NDST1: variants seen among roughly 807,000 people sequenced by gnomAD.
The protein encoded by NDST1 is N-deacetylase and N-sulfotransferase 1, also known as bifunctional heparan sulfate N-deacetylase/N-sulfotransferase 1.
In NDST1, 35 loss-of-function variants were observed where a neutral mutation model predicts 92.8. The observed-to-expected ratio is 0.38, with a 90% CI of 0.29 to 0.50. The LOEUF is 0.50. NDST1 is among the 20% of genes least tolerant of loss of function. The pLI, the probability that NDST1 is intolerant of heterozygous loss-of-function variation, is 0.94. For synonymous variants in NDST1, 493 were observed against 500.3 expected, an observed-to-expected ratio of 0.99 and a Z score of 0.19; for missense variants, 822 against 1,182.7, an observed-to-expected ratio of 0.69 and a Z score of 4.47.
intron 11 of NDST1, among the ~76,000 whole-genome samples, chr5:150,546,764 A>C (rs548948769): frequency 6.6e-6 from 1 of 152,304 alleles, no homozygotes; most frequent in Non-Finnish European, 1.5e-5. Flanking sequence ...CTCCCATGGA[A>C]GTCTCTCCTC....
At chr5:150,531,456 G>A (rs888280506) in intron 3 of NDST1, among the ~76,000 whole-genome samples, 2 of 151,432 alleles carry the variant, frequency 1.3e-5, no homozygotes, top group South Asian at 4.2e-4. Context: ...TTTGTAAAGT[G>A]TTCTGATAGC....
chr5:150,507,280 T>C (rs1477703073), upstream of NDST1, among the ~76,000 whole-genome samples: 2 of 151,532 alleles, frequency 1.3e-5, no homozygotes, highest in African/African-American at 4.8e-5. Context: ...TTTTTTTTTT[T>C]AACTGCAGCT....
upstream of NDST1, among the ~76,000 whole-genome samples, chr5:150,505,099 C>A (rs556315888): frequency 6.7e-4 from 102 of 152,330 alleles, 1 homozygote; most frequent in African/African-American, 2.1e-3. Context: ...TGCTTTGCAT[C>A]TGTGTAATGA....
chr5:150,521,872 G>A lies in NDST1; in HGVS notation c.513+105G>A. On this transcript the variant is annotated intron_variant, in intron 2 of 14. Coordinates refer to ENST00000261797, the MANE Select transcript of NDST1 (RefSeq NM_001543.5). This position sits in a 1 kb window ranked among gnomAD's most constrained non-coding sequence, Gnocchi z 5.9. ...TGTAATGGTAGCACCCGCCTCCTGG[G>A]GTTGTTGGGAGGGTTAAATGAGTGA... 1 of 1,485,204 alleles carries A rather than the reference G, an allele frequency of 6.7e-7. No homozygotes were observed. Among genetic ancestry groups the A allele is most frequent in the Non-Finnish European group, 9.2e-7 (1 of 1,081,268 alleles). 92.0% of individuals were successfully genotyped at this position (1,485,204 alleles called of 1,614,324 possible).
intron 1 of NDST1, among the ~76,000 whole-genome samples, chr5:150,509,144 G>A (rs1753600139): frequency 6.6e-6 from 1 of 152,166 alleles, no homozygotes; most frequent in African/African-American, 2.4e-5. Context: ...TTTGGCTTCT[G>A]CATCCTTGAG....
At chr5:150,532,778 C>T (rs1355472854) in intron 3 of NDST1, among the ~76,000 whole-genome samples, 167 bp from the exon 4 acceptor site, 1 of 152,214 alleles carries the variant, frequency 6.6e-6, no homozygotes, top group Admixed American at 6.5e-5. Flanking sequence ...CCACCCACCT[C>T]AGCTTCCCAA....
intron 10 of NDST1, among the ~76,000 whole-genome samples, chr5:150,544,568 C>A (rs1755396377): frequency 6.6e-6 from 1 of 152,214 alleles, no homozygotes; most frequent in South Asian, 2.1e-4. Context: ...AGCCCCACCT[C>A]ACAGGATAGG....
In NDST1 at chr5:150,535,850, C is replaced by G; in HGVS notation, c.1402C>G (p.Arg468Gly). 1 of 1,613,956 alleles carries G rather than the reference C, an allele frequency of 6.2e-7. No individual in the cohort carries two copies. The highest frequency in any genetic ancestry group is 8.5e-7 in the Non-Finnish European group (1 of 1,179,976). Residue 468 changes from arginine to glycine, a missense_variant, in exon 6 of 15, where the codon CGC (arginine) becomes GGC (glycine). By Grantham distance (125) the Arg-to-Gly change is moderately radical. Transcript: ENST00000261797. ...GGAGTACCCCCACCTGAAGCCAGCC[C>G]GCTACCGCCGTGGCTTCATCCACAA... ...TEEYPHLKPA[R>G]YRRGFIHNGI...
intron 10 of NDST1, among the ~76,000 whole-genome samples, chr5:150,543,563 TTTTC>T (rs1452429929): frequency 6.6e-6 from 1 of 152,222 alleles, no homozygotes; most frequent in Non-Finnish European, 1.5e-5. Flanking sequence ...TATTTGCCTT[TTTTC>T]TTTCTTTTTA....
chr5:150,514,448 C>T (rs564326611), intron 1 of NDST1, among the ~76,000 whole-genome samples: 1 of 151,620 alleles, frequency 6.6e-6, no homozygotes, highest in African/African-American at 2.4e-5. Flanking sequence ...GTAATCCCAG[C>T]TACTCGGGAG....
rs1297836315 is a variant in NDST1 at position 150,535,667 on chromosome 5, A to G, written c.1252-33A>G. ...TAAGGCCCAAAGGGGAAGGACCCCT[A>G]TGCTCACCCTGGCCTGGTCATCCTC... is the stretch of plus-strand genomic sequence containing the variant. On this transcript the variant is annotated intron_variant, in intron 5 of 14. Transcript: ENST00000261797. 8 of 1,613,224 alleles carry G rather than the reference A, an allele frequency of 5.0e-6. No individual in the cohort carries two copies. The East Asian group carries it at 1.1e-4, about 22-fold the overall frequency.
At chr5:150,507,523 A>C (rs1260111286), upstream of NDST1, 1 of 152,286 alleles carries the variant, frequency 6.6e-6, no homozygotes, top group African/African-American at 2.4e-5. Context: ...AGGCTCCAGC[A>C]TGGATTCTTA....
chr5:150,551,976 T>C (rs1447160121), intron 14 of NDST1, 121 bp downstream of exon 14: 1 of 1,481,776 alleles, frequency 6.7e-7, no homozygotes, highest in Non-Finnish European at 9.1e-7. Flanking sequence ...TAGCATTTCT[T>C]GGACAGTATT....
At chr5:150,501,879 G>A (rs1230757042) in intron 1 of NDST1, among the ~76,000 whole-genome samples, 3 of 152,214 alleles carry the variant, frequency 2.0e-5, no homozygotes, top group Non-Finnish European at 4.4e-5. Flanking sequence ...AGGTGGTCAG[G>A]ATGGTCCCTG....
chr5:150,514,519 C>A (rs1435989651), intron 1 of NDST1, among the ~76,000 whole-genome samples: 3 of 148,632 alleles, frequency 2.0e-5, no homozygotes, highest in Non-Finnish European at 3.0e-5. Context: ...CAAGATAGTG[C>A]CATTGCACTC....
chr5:150,515,135 G>A (rs1454528465), intron 1 of NDST1, among the ~76,000 whole-genome samples: 2 of 152,220 alleles, frequency 1.3e-5, no homozygotes, highest in Non-Finnish European at 2.9e-5. Flanking sequence ...TGGGCAGGAA[G>A]CCAGATGAAG....
upstream of NDST1, among the ~76,000 whole-genome samples, chr5:150,505,127 G>A (rs763933571): frequency 6.6e-6 from 1 of 152,206 alleles, no homozygotes; most frequent in Non-Finnish European, 1.5e-5. Flanking sequence ...ATGGCACAGC[G>A]GTGGCTGTGG....
chr5:150,504,781 A>G (rs1753375918), upstream of NDST1, among the ~76,000 whole-genome samples: 1 of 152,228 alleles, frequency 6.6e-6, no homozygotes, highest in Non-Finnish European at 1.5e-5. Context: ...GTTAAATGGG[A>G]TAACGTGTGA....
At position 150,549,708 on chromosome 5, in the gene NDST1, A is replaced by C; in HGVS notation, c.2347A>C (p.Thr783Pro). The change falls in exon 13 of 15, where the codon ACA becomes CCA. Residue 783 changes from threonine (T) to proline (P), a missense_variant. By Grantham distance (38) the Thr-to-Pro change is conservative (BLOSUM62 -1). Coordinates refer to ENST00000261797, the MANE Select transcript of NDST1 (RefSeq NM_001543.5). ...GGTCTTGGATGGCAAACTGCTTCGC[A>C]CAGAACCTGCCAAAGTGATGGACAT... ...ILVLDGKLLR[T>P]EPAKVMDMVQ... The C allele has an allele frequency of 6.2e-7, 1 of 1,614,018 alleles. No homozygotes were observed. Among genetic ancestry groups the C allele is most frequent in the East Asian group, 2.2e-5 (1 of 44,892 alleles).
Sources: gnomAD v4.1 joint callset for allele counts (sites outside exome capture counted in the v4.1 genomes callset) on GRCh38, gnomAD v4.1.1 for gene constraint, Gnocchi (gnomAD v3.1) non-coding constraint, MANE v1.5 for transcripts, NCBI Gene and HGNC (gene_info 2026-07-23, HGNC 2026-07-21) for gene names.